Variants in STAU1 observed in about 807,000 individuals in gnomAD.
STAU1 encodes staufen double-stranded RNA binding protein 1, also known as double-stranded RNA-binding protein Staufen homolog 1.
STAU1 carries 13 observed loss-of-function variants against 62.9 expected under a neutral mutation model. That is an observed-to-expected ratio of 0.21 (90% CI 0.13 to 0.33). STAU1 has a LOEUF of 0.33. Among genes scored for constraint, STAU1 ranks in the 10% least tolerant of loss-of-function variants. The pLI, the probability that STAU1 is intolerant of heterozygous loss-of-function variation, is 1.00. For synonymous variants in STAU1, 269 were observed against 265.1 expected (o/e 1.01, Z -0.14); for missense variants, 571 against 712.1 (o/e 0.80, Z 2.25).
chr20:49,154,057 T>G lies in STAU1; in HGVS notation c.220A>C (p.Thr74Pro). 1 of 1,605,986 alleles carries G rather than the reference T, an allele frequency of 6.2e-7. No individual in the cohort carries two copies. Among genetic ancestry groups the G allele is most frequent in the Non-Finnish European group, 8.5e-7 (1 of 1,178,038 alleles). ...TSAAAESITPTVELNALCMKL... is the reference protein window; with the variant it reads ...TSAAAESITPPVELNALCMKL... Reference sequence around the variant, plus strand: ...ATGCACAGTGCATTTAGTTCTACAGTAGGGGTTATGCTTTCTGCAAGAAAG... The same window carrying G: ...ATGCACAGTGCATTTAGTTCTACAGGAGGGGTTATGCTTTCTGCAAGAAAG... Residue 74 changes from threonine (T) to proline (P), a missense_variant, in exon 4 of 14, where the codon ACT becomes CCT. Transcript: ENST00000371856.
rs2092993084 is a variant in STAU1 at position 49,140,954 on chromosome 20, CAG to C, written c.511-5025_511-5024del. The stretch of plus-strand genomic sequence containing the variant: ...GACAGCTGTTTCCCTGAAGAGCATC[CAG>C]AGTTTTTTTTAATAGATGATCTGTT... On this transcript the variant is annotated intron_variant, in intron 5 of 13. Transcript: ENST00000371856. Among the ~76,000 whole-genome samples the C allele has an allele frequency of 2.7e-5, 4 of 147,822 alleles. No homozygotes were observed. The South Asian group carries it at 8.6e-4, about 32-fold the overall frequency.
chr20:49,184,480 G>A (rs2093763835), intron 1 of STAU1, among the ~76,000 whole-genome samples: 1 of 152,044 alleles, frequency 6.6e-6, no homozygotes, highest in African/African-American at 2.4e-5. Context: ...AGGAAATCAA[G>A]AGTACCCAGA....
In STAU1 at chr20:49,121,695, C is replaced by T. The variant is rs569743893; in HGVS notation, c.966+1397G>A. On this transcript the variant is annotated intron_variant, in intron 8 of 13. Transcript: ENST00000371856. ...ATATATGTCAGTATAATTTATAACA[C>T]ACATCCTTTGTGTCAGTAAAATTTA... Among the ~76,000 whole-genome samples the T allele has an allele frequency of 6.6e-5, 10 of 152,280 alleles. No homozygotes were observed. In the South Asian group the frequency reaches 1.7e-3, roughly 25 times the overall value.
intron 6 of STAU1, among the ~76,000 whole-genome samples, chr20:49,126,513 A>T (rs1338877306): frequency 6.9e-6 from 1 of 144,844 alleles, no homozygotes; most frequent in South Asian, 2.2e-4. Flanking sequence ...GGCTACAGGG[A>T]GCTATGATCA....
At chr20:49,182,229 G>C (rs1262253325) in intron 1 of STAU1, among the ~76,000 whole-genome samples, 2 of 152,156 alleles carry the variant, frequency 1.3e-5, no homozygotes, top group Admixed American at 1.3e-4. Flanking sequence ...TTTATCTGGT[G>C]ACATAAATCA....
At chr20:49,201,912 C>A in the STAU1 span, among the ~76,000 whole-genome samples, 1 of 151,744 alleles carries the variant, frequency 6.6e-6, no homozygotes, top group African/African-American at 2.4e-5. Flanking sequence ...AAATCAGTAA[C>A]CTAATTTTCT....
chr20:49,115,880 G>T lies in STAU1; in HGVS notation c.1633-13C>A. 6.2e-7 allele frequency: 1 copy of T among 1,613,254 alleles called. No individual in the cohort carries two copies. The highest frequency in any genetic ancestry group is 8.5e-7 in the Non-Finnish European group (1 of 1,179,298). On this transcript the variant is annotated splice_polypyrimidine_tract_variant and intron_variant, in intron 12 of 13. Coordinates refer to ENST00000371856, the MANE Select transcript of STAU1 (RefSeq NM_017453.4). ...TGTTCAGCGCAGCCTAGTGGGGATG[G>T]AAAGAAGGGTAAAGCCACAGCCACC...
the STAU1 span, among the ~76,000 whole-genome samples, chr20:49,206,766 T>A: frequency 0.32 from 41,984 of 132,536 alleles, 7,157 homozygotes; most frequent in Middle Eastern, 0.46. Context: ...ATTTTATTTT[T>A]TTTTTTTTGA....
the STAU1 span, among the ~76,000 whole-genome samples, chr20:49,206,718 T>TA: frequency 1.4e-3 from 64 of 44,722 alleles, no homozygotes; most frequent in South Asian, 0.016. Context: ...TAAATGAAAT[T>TA]TTATATATAT....
intron 2 of STAU1, among the ~76,000 whole-genome samples, chr20:49,167,096 G>A (rs1307643843): frequency 6.6e-6 from 1 of 152,158 alleles, no homozygotes; most frequent in Non-Finnish European, 1.5e-5. Context: ...TAAATTAAGA[G>A]AATAATGAAG....
intron 2 of STAU1, among the ~76,000 whole-genome samples, chr20:49,170,470 C>G (rs1276729281): frequency 6.6e-6 from 1 of 152,158 alleles, no homozygotes; most frequent in Non-Finnish European, 1.5e-5. Context: ...CCTGTGTCAG[C>G]CTCCCGAGTA....
At chr20:49,204,037 T>A in the STAU1 span, among the ~76,000 whole-genome samples, 1 of 152,358 alleles carries the variant, frequency 6.6e-6, no homozygotes, top group South Asian at 2.1e-4. Context: ...AATTGCTGTT[T>A]ATTATTTCTA....
the STAU1 span, among the ~76,000 whole-genome samples, chr20:49,215,930 C>T: frequency 7.0e-6 from 1 of 142,210 alleles, no homozygotes; most frequent in East Asian, 2.2e-4. Flanking sequence ...ATCATTTGAA[C>T]CCAGGAGGCA....
At chr20:49,132,720 T>C (rs563312042) in intron 6 of STAU1, among the ~76,000 whole-genome samples, 16 of 152,154 alleles carry the variant, frequency 1.1e-4, no homozygotes, top group Non-Finnish European at 2.2e-4. Context: ...GATCGTGCCA[T>C]TGTACTCCAG....
At chr20:49,211,126 T>G in the STAU1 span, among the ~76,000 whole-genome samples, 1 of 152,222 alleles carries the variant, frequency 6.6e-6, no homozygotes, top group Non-Finnish European at 1.5e-5. Flanking sequence ...TTGAGGTTCA[T>G]CCACAATGTA....
Position 49,117,057 on chromosome 20 carries a change from C to G in STAU1, c.1632+69G>C. The G allele has an allele frequency of 6.3e-7, 1 of 1,591,468 alleles. No individual in the cohort carries two copies. Among genetic ancestry groups the G allele is most frequent in the South Asian group, 1.1e-5 (1 of 87,644 alleles). On this transcript the variant is annotated intron_variant, in intron 12 of 13. Coordinates refer to ENST00000371856, the MANE Select transcript of STAU1 (RefSeq NM_017453.4). This position sits in a 1 kb window ranked among gnomAD's most constrained non-coding sequence, Gnocchi z 4.6. ...TCTCCCATCTTCCTCAGGCTAGTAA[C>G]AAGCTGAACCAAGGCAGGCTCCACA...
At chr20:49,144,063 C>T (rs1330819651) in intron 5 of STAU1, among the ~76,000 whole-genome samples, 2 of 152,184 alleles carry the variant, frequency 1.3e-5, no homozygotes, top group African/African-American at 4.8e-5. Context: ...GAGAAAGCAG[C>T]CATTTCCTTG....
chr20:49,209,253 G>GA, the STAU1 span, among the ~76,000 whole-genome samples: 22,196 of 126,756 alleles, frequency 0.18, 1,888 homozygotes, highest in East Asian at 0.35. Flanking sequence ...TATCTAAAAA[G>GA]AAAAAAAAAA....
At chr20:49,154,142 A>G in intron 3 of STAU1, 71 bp from the exon 4 acceptor site, 1 of 1,460,218 alleles carries the variant, frequency 6.8e-7, no homozygotes, top group Non-Finnish European at 9.2e-7. Context: ...ATAAAATGTA[A>G]TAGCATGCTT....
Sources: allele counts gnomAD v4.1 joint callset (sites outside exome capture counted in the v4.1 genomes callset), GRCh38; gene constraint gnomAD v4.1.1; non-coding constraint Gnocchi (gnomAD v3.1); transcripts MANE v1.5; gene names NCBI Gene and HGNC (gene_info 2026-07-23, HGNC 2026-07-21).